Variants in SVIL observed in about 807,000 individuals in gnomAD.
SVIL encodes supervillin.
Under a neutral mutation model 240.4 loss-of-function variants are expected in SVIL, and 101 were observed. The ratio of observed to expected loss-of-function variants is 0.42; its 90% confidence interval spans 0.36 to 0.50. SVIL has a LOEUF of 0.50. Among genes scored for constraint, SVIL ranks in the 20% least tolerant of loss-of-function variants. SVIL has a pLI of 0.01. For missense variants in SVIL, 2,512 were observed against 2,818.7 expected (o/e 0.89, Z 2.46); for synonymous variants, 999 against 1,100.0 (o/e 0.91, Z 1.82).
intron 1 of SVIL, among the ~76,000 whole-genome samples, chr10:29,625,165 A>G (rs1957815490): frequency 1.3e-5 from 2 of 152,172 alleles, no homozygotes; most frequent in African/African-American, 4.8e-5. Context: ...AGTTCATCCA[A>G]TGTTACTAAA....
At position 29,519,103 on chromosome 10, in the gene SVIL, T is replaced by G. The variant is rs371864857; in HGVS notation, c.3389+3307A>C. Among the ~76,000 whole-genome samples the G allele has an allele frequency of 3.5e-3, 470 of 134,042 alleles. 7 individuals are homozygous for G. The South Asian group carries it at 0.051, about 14-fold the overall frequency. 87.9% of individuals were successfully genotyped at this position (134,042 alleles called of 152,430 possible). On this transcript the variant is annotated intron_variant, in intron 16 of 37. Transcript: ENST00000355867. ...ATTTCTGAGACTCTGAAATGTGAAC[T>G]TGGATGTGTAATTTGAAATATAAGC...
intron 1 of SVIL, among the ~76,000 whole-genome samples, chr10:29,699,654 ACT>A (rs1382839997): frequency 1.3e-5 from 2 of 151,974 alleles, no homozygotes; most frequent in African/African-American, 2.4e-5. Flanking sequence ...AGCCATAAAA[ACT>A]CACAAAGACG....
At chr10:29,502,570 T>A (rs11814229) in intron 17 of SVIL, among the ~76,000 whole-genome samples, 1 of 152,168 alleles carries the variant, frequency 6.6e-6, no homozygotes, top group African/African-American at 2.4e-5. Context: ...TCCTACCCCA[T>A]CTGTCCTTCA....
rs1413808097 is a variant in SVIL, at chr10:29,677,070, T to C, written c.-301+9483A>G. ...ATTTCTCAATTTCAAATTTAAAAAG[T>C]GTAAACTTAAGGAAAGAGAAATAAT... On this transcript the variant is annotated intron_variant, in intron 2 of 35. Coordinates refer to the SVIL transcript ENST00000375400. Among the ~76,000 whole-genome samples, 6 of 152,192 alleles carry C rather than the reference T, an allele frequency of 3.9e-5. No homozygotes were observed. In the South Asian group the frequency reaches 6.2e-4, roughly 16 times the overall value.
chr10:29,584,461 G>T (rs999720310), intron 1 of SVIL, among the ~76,000 whole-genome samples: 1 of 152,148 alleles, frequency 6.6e-6, no homozygotes, highest in Non-Finnish European at 1.5e-5. Flanking sequence ...GTTTGTTTTG[G>T]GGTATGTGAA....
intron 16 of SVIL, among the ~76,000 whole-genome samples, chr10:29,521,228 G>GGAA (rs1554833169): frequency 1.6e-5 from 1 of 63,732 alleles, no homozygotes. Flanking sequence ...GTCTCAAAAA[G>GGAA]AAAAAAAAAA....
At position 29,606,415 on chromosome 10, in the gene SVIL, C is replaced by A. The variant is rs182973200; in HGVS notation, c.-201+28005G>T. On this transcript the variant is annotated intron_variant, in intron 1 of 37. Transcript: ENST00000355867. Reference sequence around the variant, plus strand: ...CAATGCTATAATAAACTGGCATATACCCCCACCTAAATTCAACTGCTATCA... The same window carrying A: ...CAATGCTATAATAAACTGGCATATAACCCCACCTAAATTCAACTGCTATCA... Among the ~76,000 whole-genome samples, 26 of 152,260 alleles carry A rather than the reference C, an allele frequency of 1.7e-4. No homozygotes were observed. The East Asian group carries it at 4.2e-3, about 25-fold the overall frequency.
rs1294943181 is a variant in SVIL at position 29,486,508 on chromosome 10, C to G, written c.4535G>C (p.Arg1512Thr). 6.2e-7 allele frequency: 1 copy of G among 1,614,048 alleles called. No individual in the cohort carries two copies. The highest frequency in any genetic ancestry group is 8.5e-7 in the Non-Finnish European group (1 of 1,180,050). ...TTCAATGGTTTGGATATAAGTAGCT[C>G]TACAACCAAGTTCCCTCTTTGTCTG... The part of the protein sequence containing the change: ...LIQTKRELGC[R>T]ATYIQTIEEG... Residue 1512 changes from arginine (R) to threonine (T), a missense_variant, in exon 25 of 38, where the codon AGA (arginine) becomes ACA (threonine). Transcript: ENST00000355867.
chr10:29,461,449 C>T (rs1944253097), intron 36 of SVIL, among the ~76,000 whole-genome samples: 1 of 152,162 alleles, frequency 6.6e-6, no homozygotes, highest in Non-Finnish European at 1.5e-5. Context: ...CTCTCCATTG[C>T]TAAGCAGAAG....
chr10:29,536,930 A>AAAAAG (rs1951786755), intron 6 of SVIL, among the ~76,000 whole-genome samples: 1 of 151,316 alleles, frequency 6.6e-6, no homozygotes, highest in Non-Finnish European at 1.5e-5. Context: ...AAAAAAAAAA[A>AAAAAG]AGAACGGAGT....
chr10:29,577,366 A>G (rs1955746468), intron 1 of SVIL, among the ~76,000 whole-genome samples: 1 of 152,164 alleles, frequency 6.6e-6, no homozygotes, highest in Admixed American at 6.5e-5. Flanking sequence ...CCCAAAGTCT[A>G]TTATACAACT....
At chr10:29,561,660 C>T (rs1954487364) in intron 3 of SVIL, among the ~76,000 whole-genome samples, 1 of 151,978 alleles carries the variant, frequency 6.6e-6, no homozygotes, top group Admixed American at 6.6e-5. Context: ...CGTTCCATGC[C>T]CCATCTGCAC....
At chr10:29,580,431 G>C (rs1284613622) in intron 1 of SVIL, among the ~76,000 whole-genome samples, 1 of 152,132 alleles carries the variant, frequency 6.6e-6, no homozygotes, top group East Asian at 1.9e-4. Context: ...AGGATGGTGA[G>C]GTCAGGATAA....
intron 1 of SVIL, among the ~76,000 whole-genome samples, chr10:29,592,908 G>A (rs1471211763): frequency 6.6e-6 from 1 of 152,068 alleles, no homozygotes; most frequent in Non-Finnish European, 1.5e-5. Flanking sequence ...GGTGGAAATA[G>A]GTTGAATTTC....
intron 13 of SVIL, among the ~76,000 whole-genome samples, chr10:29,525,565 G>GA (rs1458019745): frequency 6.6e-6 from 1 of 152,256 alleles, no homozygotes; most frequent in African/African-American, 2.4e-5. Flanking sequence ...AGTGTGCAGT[G>GA]ATGAAGCCTG....
intron 2 of SVIL, among the ~76,000 whole-genome samples, chr10:29,666,428 A>G (rs1359285011): frequency 6.6e-6 from 1 of 152,190 alleles, no homozygotes; most frequent in East Asian, 1.9e-4. Flanking sequence ...AAGTCCCAAC[A>G]TAGTTTTATA....
intron 13 of SVIL, among the ~76,000 whole-genome samples, chr10:29,525,109 A>C (rs1018755996): frequency 6.6e-6 from 1 of 152,180 alleles, no homozygotes; most frequent in Non-Finnish European, 1.5e-5. Flanking sequence ...ATGGTTCAGA[A>C]GGTGGTCTTT....
At chr10:29,486,641 AC>A (rs1335652823) in intron 24 of SVIL, 84 bp from the exon 25 acceptor site, 13 of 1,531,748 alleles carry the variant, frequency 8.5e-6, no homozygotes, top group Non-Finnish European at 1.2e-5. Flanking sequence ...GAGAGGAGAA[AC>A]AGTGTGCCTG....
chr10:29,687,626 T>C (rs1281130440), intron 1 of SVIL, among the ~76,000 whole-genome samples: 3 of 152,200 alleles, frequency 2.0e-5, no homozygotes, highest in Non-Finnish European at 2.9e-5. Flanking sequence ...TTAGCCAAGA[T>C]CGCGCCACCG....
Sources: allele counts gnomAD v4.1 joint callset (sites outside exome capture counted in the v4.1 genomes callset), GRCh38; gene constraint gnomAD v4.1.1; transcripts MANE v1.5; gene names NCBI Gene and HGNC (gene_info 2026-07-23, HGNC 2026-07-21).